The following ATF7 variants were observed in gnomAD, a reference collection of about 807,000 sequenced individuals.
ATF7 encodes activating transcription factor 7.
Under a neutral mutation model 50.4 loss-of-function variants are expected in ATF7, and 10 were observed. The observed-to-expected ratio is 0.20, with a 90% CI of 0.12 to 0.34. ATF7 has a LOEUF of 0.34. ATF7 is among the 10% of genes least tolerant of loss of function. The pLI is 1.00. For synonymous variants in ATF7, 201 were observed against 226.4 expected (o/e 0.89, Z 1.01); for missense variants, 465 against 613.9 (o/e 0.76, Z 2.56).
intron 1 of ATF7, among the ~76,000 whole-genome samples, chr12:53,610,390 C>A (rs1265531897): frequency 1.3e-5 from 2 of 151,724 alleles, no homozygotes; most frequent in South Asian, 2.1e-4. Flanking sequence ...CATGGTGAAA[C>A]CCTATCTCTA....
intron 6 of ATF7, 143 bp downstream of exon 6, chr12:53,534,359 A>G: frequency 8.0e-7 from 1 of 1,249,980 alleles, no homozygotes; most frequent in South Asian, 1.2e-5. Context: ...GATTCTGTTT[A>G]TGGGGGAAAA....
At chr12:53,618,425 C>T (rs1273781633) in intron 1 of ATF7, among the ~76,000 whole-genome samples, 3 of 152,104 alleles carry the variant, frequency 2.0e-5, no homozygotes, top group Admixed American at 6.6e-5. Flanking sequence ...CATTCATTCA[C>T]GATTTGCAAT....
At position 53,524,121 on chromosome 12, in the gene ATF7, T is replaced by C. The variant is rs1938292179; in HGVS notation, c.1125+443A>G. 6.6e-6 allele frequency among the ~76,000 whole-genome samples: 1 copy of C among 152,238 alleles called. No homozygotes were observed. ...TTGCTTTTTAAATTTAATATTTTAA[T>C]AATCAGAAGGAAAAATAACATTCAA... On this transcript the variant is annotated intron_variant, in intron 10 of 11. Transcript: ENST00000420353. This position sits in a 1 kb window ranked among gnomAD's most constrained non-coding sequence, Gnocchi z 4.6.
chr12:53,520,482 G>A lies in ATF7; in HGVS notation c.1234+2794C>T, dbSNP rs553096768. 3.9e-5 allele frequency among the ~76,000 whole-genome samples: 6 copies of A among 152,246 alleles called. No homozygotes were observed. The East Asian group carries it at 1.2e-3, about 29-fold the overall frequency. On this transcript the variant is annotated intron_variant, in intron 11 of 11. Coordinates refer to ENST00000420353, the MANE Select transcript of ATF7 (RefSeq NM_006856.3). The stretch of plus-strand genomic sequence containing the variant: ...GGTCCCAGTTACTCAGGCTGAGTGG[G>A]GAGGATCACTTGAGAGCCTGGGAGA...
chr12:53,552,164 T>C (rs559119078), intron 3 of ATF7, among the ~76,000 whole-genome samples: 32 of 152,322 alleles, frequency 2.1e-4, no homozygotes, highest in Admixed American at 3.3e-4. Context: ...CCAGGCTAGA[T>C]TGGCTTTTTT....
intron 1 of ATF7, among the ~76,000 whole-genome samples, chr12:53,607,234 A>G (rs998533008): frequency 6.6e-6 from 1 of 152,206 alleles, no homozygotes; most frequent in East Asian, 1.9e-4. Context: ...GTTGTTTCCT[A>G]ACTTTTTAAT....
At chr12:53,547,917 AG>A (rs1470919830) in intron 3 of ATF7, among the ~76,000 whole-genome samples, 2 of 152,146 alleles carry the variant, frequency 1.3e-5, no homozygotes, top group Non-Finnish European at 2.9e-5. Context: ...GTCGTCACCC[AG>A]GCTGGAGGCA....
intron 1 of ATF7, among the ~76,000 whole-genome samples, chr12:53,607,667 A>T (rs142133028): frequency 2.0e-5 from 3 of 152,314 alleles, no homozygotes; most frequent in Admixed American, 2.0e-4. Context: ...AAAACAGAAT[A>T]TAAAATTGTA....
intron 2 of ATF7, among the ~76,000 whole-genome samples, chr12:53,592,090 G>A (rs1312096617): frequency 6.6e-6 from 1 of 152,246 alleles, no homozygotes; most frequent in East Asian, 1.9e-4. Context: ...TAGAGCAGAA[G>A]TTGGTTCGGC....
rs552594263 is a variant in ATF7 at position 53,528,803 on chromosome 12, A to T, written c.927+2941T>A. Among the ~76,000 whole-genome samples the T allele has an allele frequency of 4.4e-4, 67 of 152,140 alleles. 1 individual carries two copies. The South Asian group carries it at 0.014, about 31-fold the overall frequency. ...GAAAAGAAAACAAAAGAAAAGAAAA[A>T]ATTAGTTCTTTAGGAGAATAGGGGA... On this transcript the variant is annotated intron_variant, in intron 9 of 11. Coordinates refer to ENST00000420353, the MANE Select transcript of ATF7 (RefSeq NM_006856.3).
chr12:53,616,580 A>G (rs1944127147), intron 1 of ATF7, among the ~76,000 whole-genome samples: 1 of 152,182 alleles, frequency 6.6e-6, no homozygotes, highest in Non-Finnish European at 1.5e-5. Flanking sequence ...TGAAAAGAAA[A>G]AAAGAAACTT....
At chr12:53,529,950 G>T (rs2137368529) in intron 9 of ATF7, among the ~76,000 whole-genome samples, 1 of 151,574 alleles carries the variant, frequency 6.6e-6, no homozygotes, top group East Asian at 2.0e-4. Flanking sequence ...CACCATGTTG[G>T]TCAGTCTGGT....
At chr12:53,544,806 GT>G (rs1477012264) in intron 3 of ATF7, among the ~76,000 whole-genome samples, 1 of 152,036 alleles carries the variant, frequency 6.6e-6, no homozygotes, top group African/African-American at 2.4e-5. Flanking sequence ...ATTGAAAATA[GT>G]CCAATGGGAT....
chr12:53,539,962 C>A (rs1425902325), intron 4 of ATF7, among the ~76,000 whole-genome samples: 1 of 151,636 alleles, frequency 6.6e-6, no homozygotes, highest in Non-Finnish European at 1.5e-5. Flanking sequence ...CCTAGTTACT[C>A]CAGGGACTGA....
At chr12:53,561,431 C>G (rs1941107170) in intron 2 of ATF7, among the ~76,000 whole-genome samples, 1 of 151,224 alleles carries the variant, frequency 6.6e-6, no homozygotes, top group African/African-American at 2.4e-5. Flanking sequence ...GAAGAAATAA[C>G]TGATCTTTTT....
At chr12:53,565,501 A>AG (rs1941400432) in intron 2 of ATF7, among the ~76,000 whole-genome samples, 1 of 10,406 alleles carries the variant, frequency 9.6e-5, no homozygotes, top group Non-Finnish European at 2.0e-4. Context: ...GGCGGGGGGG[A>AG]GGGGGGCAGG....
intron 1 of ATF7, among the ~76,000 whole-genome samples, chr12:53,615,524 C>T (rs898181002): frequency 6.6e-6 from 1 of 151,982 alleles, no homozygotes; most frequent in Non-Finnish European, 1.5e-5. Context: ...AACTTGGTAC[C>T]AACATGATTC....
intron 1 of ATF7, among the ~76,000 whole-genome samples, chr12:53,608,559 C>T (rs1425909322): frequency 1.3e-5 from 2 of 152,072 alleles, no homozygotes; most frequent in Non-Finnish European, 2.9e-5. Flanking sequence ...TCAGAAATTG[C>T]CCCAACCATG....
chr12:53,600,685 A>G, intron 2 of ATF7: 1 of 322,630 alleles, frequency 3.1e-6, no homozygotes, highest in East Asian at 6.1e-5. Flanking sequence ...AGCTTTAGAA[A>G]GGAGGAGACA....
Sources: allele counts gnomAD v4.1 joint callset (sites outside exome capture counted in the v4.1 genomes callset), GRCh38; gene constraint gnomAD v4.1.1; non-coding constraint Gnocchi (gnomAD v3.1); transcripts MANE v1.5; gene names NCBI Gene and HGNC (gene_info 2026-07-23, HGNC 2026-07-21).